CPED1: variants seen among roughly 807,000 people sequenced by gnomAD.
The protein encoded by CPED1 is cadherin-like and PC-esterase domain-containing protein 1.
CPED1 carries 114 observed loss-of-function variants against 128.2 expected under a neutral mutation model. That is an observed-to-expected ratio of 0.89 (90% confidence interval 0.76 to 1.04). The LOEUF is 1.04. CPED1 is among the 50% of genes least tolerant of loss of function. CPED1 has a pLI of 0.00. For missense variants in CPED1, 1,211 were observed against 1,207.1 expected (o/e 1.00, Z -0.05); for synonymous variants, 462 against 426.7 (o/e 1.08, Z -1.02).
intron 5 of CPED1, among the ~76,000 whole-genome samples, chr7:121,082,374 T>G (rs1487949001): frequency 6.6e-6 from 1 of 152,190 alleles, no homozygotes; most frequent in Non-Finnish European, 1.5e-5. Flanking sequence ...GCTGTCACAA[T>G]AATATATAAT....
At position 121,231,557 on chromosome 7, in the gene CPED1, A is replaced by G. The variant is rs1040258743; in HGVS notation, c.2056-5157A>G. On this transcript the variant is annotated intron_variant, in intron 16 of 22. Transcript: ENST00000310396. ...GAGACCATCAGGAAATGTGTCTGGCATTTATCTTTACATTTGTGTGATTTT... is the reference window on the plus strand; with the variant it reads ...GAGACCATCAGGAAATGTGTCTGGCGTTTATCTTTACATTTGTGTGATTTT... Among the ~76,000 whole-genome samples, 28 of 152,120 alleles carry G rather than the reference A, an allele frequency of 1.8e-4. 2 individuals are homozygous for G.
At position 121,142,055 on chromosome 7, in the gene CPED1, C is replaced by T. The variant is rs1370835370; in HGVS notation, c.1969C>T (p.Leu657=). 1.2e-6 allele frequency: 2 copies of T among 1,612,688 alleles called. No homozygotes were observed. The change falls in exon 16 of 23, where the codon CTG becomes TTG. Residue 657 remains leucine (L), a synonymous_variant. Coordinates refer to ENST00000310396, the MANE Select transcript of CPED1 (RefSeq NM_024913.5). ...VDESPAHGET[L]ITYKLTIYRE... ...TGAATCTCCAGCACACGGTGAGACT[C>T]TGATCACGTACAAACTCACCATCTA...
intron 16 of CPED1, among the ~76,000 whole-genome samples, chr7:121,205,760 G>A (rs965278178): frequency 6.6e-6 from 1 of 152,014 alleles, no homozygotes; most frequent in African/African-American, 2.4e-5. Context: ...ACAAGACACT[G>A]TAAGAACCTG....
chr7:121,195,584 A>G (rs990583989), intron 16 of CPED1, among the ~76,000 whole-genome samples: 2 of 152,154 alleles, frequency 1.3e-5, no homozygotes, highest in Non-Finnish European at 2.9e-5. Context: ...TAGATAAGTC[A>G]TGGACCAATC....
At chr7:121,102,585 G>T (rs1487051959) in intron 7 of CPED1, among the ~76,000 whole-genome samples, 1 of 152,082 alleles carries the variant, frequency 6.6e-6, no homozygotes, top group East Asian at 1.9e-4. Flanking sequence ...CAGACAGTAG[G>T]GTGGAGGAGT....
At chr7:121,229,928 T>A (rs973405930) in intron 16 of CPED1, among the ~76,000 whole-genome samples, 1 of 151,924 alleles carries the variant, frequency 6.6e-6, no homozygotes, top group African/African-American at 2.4e-5. Flanking sequence ...GTTATTCAAG[T>A]CAAGCAGAGT....
At chr7:121,102,821 T>C (rs1262724533) in intron 7 of CPED1, among the ~76,000 whole-genome samples, 4 of 152,090 alleles carry the variant, frequency 2.6e-5, no homozygotes, top group Non-Finnish European at 4.4e-5. Context: ...ACTCCACTTA[T>C]CCCTGACCGT....
At position 121,174,148 on chromosome 7, in the gene CPED1, A is replaced by G. The variant is rs62468530; in HGVS notation, c.2055+32007A>G. Among the ~76,000 whole-genome samples, 181 of 152,090 alleles carry G rather than the reference A, an allele frequency of 1.2e-3. 2 individuals carry two copies. The highest frequency in any genetic ancestry group is 1.1e-3 in the Non-Finnish European group (73 of 67,998). ...CCTTTGTCAGATGCATGGTTTGCAA[A>G]TATTTTCTCCCATTCTGTGAGGTGT... On this transcript the variant is annotated intron_variant, in intron 16 of 22. Coordinates refer to ENST00000310396, the MANE Select transcript of CPED1 (RefSeq NM_024913.5).
chr7:121,143,485 A>G (rs1795950471), intron 16 of CPED1, among the ~76,000 whole-genome samples: 1 of 151,988 alleles, frequency 6.6e-6, no homozygotes, highest in African/African-American at 2.4e-5. Flanking sequence ...AGACTTTAAA[A>G]TATGTTCCTC....
intron 16 of CPED1, among the ~76,000 whole-genome samples, chr7:121,157,360 A>G (rs573300581): frequency 2.6e-5 from 4 of 152,278 alleles, no homozygotes; most frequent in Admixed American, 6.5e-5. Context: ...AAAGGGGTCG[A>G]GTGCACCAGG....
intron 3 of CPED1, 78 bp downstream of exon 3, chr7:121,015,926 C>T: frequency 1.9e-6 from 2 of 1,060,132 alleles, no homozygotes; most frequent in Non-Finnish European, 2.5e-6. Context: ...CTACTATCTC[C>T]CTCTAAAAAA....
intron 22 of CPED1, among the ~76,000 whole-genome samples, 155 bp downstream of exon 22, chr7:121,271,585 A>G (rs1792231085): frequency 6.6e-6 from 1 of 152,156 alleles, no homozygotes. Flanking sequence ...CAGCCAAGGC[A>G]TGTAGTAACC....
intron 22 of CPED1, among the ~76,000 whole-genome samples, chr7:121,277,301 G>A (rs1250270338): frequency 2.6e-5 from 4 of 152,068 alleles, no homozygotes; most frequent in Non-Finnish European, 1.5e-5. Context: ...TTGTATTTGA[G>A]TTGCCTGTAG....
intron 16 of CPED1, among the ~76,000 whole-genome samples, chr7:121,214,205 C>A (rs1338075366): frequency 6.6e-6 from 1 of 152,150 alleles, no homozygotes; most frequent in Non-Finnish European, 1.5e-5. Context: ...TGCTGGGTTT[C>A]TCCACTGTAA....
intron 18 of CPED1, among the ~76,000 whole-genome samples, chr7:121,261,074 T>C (rs927501461): frequency 2.0e-5 from 3 of 152,050 alleles, no homozygotes. Flanking sequence ...TCTTTAACTA[T>C]GTCCTGGTTA....
intron 4 of CPED1, among the ~76,000 whole-genome samples, chr7:121,053,839 A>G (rs1793424848): frequency 6.6e-6 from 1 of 152,132 alleles, no homozygotes; most frequent in Non-Finnish European, 1.5e-5. Context: ...GTTGTATTCT[A>G]TAGGTTATAA....
chr7:121,260,610 T>G (rs1042059071), intron 18 of CPED1, among the ~76,000 whole-genome samples: 1 of 151,228 alleles, frequency 6.6e-6, no homozygotes, highest in African/African-American at 2.4e-5. Flanking sequence ...TGGACCTAGA[T>G]GTAACAAATA....
rs145665076 is a variant in CPED1, at chr7:121,091,319, A to G, written c.617-6380A>G. 6.7e-4 allele frequency among the ~76,000 whole-genome samples: 102 copies of G among 152,340 alleles called. 2 individuals are homozygous for G. The East Asian group carries it at 0.016, about 24-fold the overall frequency. On this transcript the variant is annotated intron_variant, in intron 5 of 22. Transcript: ENST00000310396. The stretch of plus-strand genomic sequence containing the variant: ...TGCAATGCAAAATTTGAGGAGGATC[A>G]CTAAAAACATAGTGTGTCTTTACAG...
chr7:120,995,854 T>C (rs1055799411), intron 2 of CPED1, among the ~76,000 whole-genome samples: 1 of 151,982 alleles, frequency 6.6e-6, no homozygotes, highest in East Asian at 1.9e-4. Flanking sequence ...CATTCTTCAG[T>C]TTTTTTTATT....
Sources: allele counts gnomAD v4.1 joint callset (sites outside exome capture counted in the v4.1 genomes callset), GRCh38; gene constraint gnomAD v4.1.1; transcripts MANE v1.5; gene names NCBI Gene and HGNC (gene_info 2026-07-23, HGNC 2026-07-21).